Variants in MXRA8 observed in about 807,000 individuals in gnomAD.
MXRA8 encodes matrix remodeling associated 8, also known as matrix remodeling-associated protein 8.
MXRA8 carries 44 observed loss-of-function variants against 51.4 expected under a neutral mutation model. The observed-to-expected ratio is 0.86, with a 90% confidence interval of 0.67 to 1.10. MXRA8 has a LOEUF of 1.10. MXRA8 is among the 50% of genes least tolerant of loss of function. The pLI is 0.00. For missense variants in MXRA8, 765 were observed against 638.9 expected (o/e 1.20, Z -2.13); for synonymous variants, 369 against 293.5 (o/e 1.26, Z -2.63).
upstream of MXRA8, among the ~76,000 whole-genome samples, chr1:1,363,283 A>C (rs1644239582): frequency 6.6e-6 from 1 of 152,130 alleles, no homozygotes; most frequent in Non-Finnish European, 1.5e-5. Flanking sequence ...ACTCGGTCTC[A>C]AAAACAAAAC....
chr1:1,353,772 CA>C (rs1644053527), intron 9 of MXRA8, 75 bp downstream of exon 9: 1 of 1,486,632 alleles, frequency 6.7e-7, no homozygotes, highest in South Asian at 1.3e-5. Flanking sequence ...TGGTGCCTGC[CA>C]TCGTTGGTCC....
At chr1:1,361,810 T>C (rs1644225929), upstream of MXRA8, 1 of 163,628 alleles carries the variant, frequency 6.1e-6, no homozygotes, top group South Asian at 1.6e-4. Context: ...GAAAACTCGC[T>C]GTGGGGAGGG....
At position 1,355,254 on chromosome 1, in the gene MXRA8, G is replaced by A; in HGVS notation, c.468C>T (p.Val156=). The A allele has an allele frequency of 1.9e-6, 3 of 1,559,164 alleles. No homozygotes were observed. The highest frequency in any genetic ancestry group is 2.6e-6 in the Non-Finnish European group (3 of 1,158,176). The part of the protein sequence containing the change: ...LYESLAVRLE[V]TDGPPATPAY... Reference sequence around the variant, plus strand: ...GGGGGAAGCACTCACGGCCGTCGGTGACCTCCAGGCGGACGGCCAGGCTCT... The same window carrying A: ...GGGGGAAGCACTCACGGCCGTCGGTAACCTCCAGGCGGACGGCCAGGCTCT... The change falls in exon 4 of 10, where the codon GTC becomes GTT. Residue 156 remains valine, a synonymous_variant. Transcript: ENST00000309212.
Position 1,355,531 on chromosome 1 carries a change from C to T in MXRA8, c.295G>A (p.Val99Met). 2 of 1,493,684 alleles carry T rather than the reference C, an allele frequency of 1.3e-6. No individual in the cohort carries two copies. The highest frequency in any genetic ancestry group is 1.8e-6 in the Non-Finnish European group (2 of 1,131,782). 92.5% of individuals were successfully genotyped at this position (1,493,684 alleles called of 1,614,324 possible). A position where few individuals can be genotyped will look rare whatever the true frequency, so the allele number is the denominator to read the frequency against. ...CGGCCGCGGTCCCGCGCCTCGTACA[C>T]GCGCTGCTCGCCCGCCGAGTACAAG... ...LDLYSAGEQR[V>M]YEARDRGRLE... is the part of the protein sequence containing the mutation. Residue 99 changes from valine (V) to methionine (M), a missense_variant, in exon 3 of 10, where the codon GTG becomes ATG. Transcript: ENST00000309212.
upstream of MXRA8, chr1:1,358,817 G>A (rs546636926): frequency 6.4e-5 from 74 of 1,158,434 alleles, no homozygotes; most frequent in South Asian, 1.8e-4. Context: ...CCACGTGATC[G>A]TGTCTCACGT....
At chr1:1,360,107 G>A (rs1024262441), upstream of MXRA8, among the ~76,000 whole-genome samples, 1 of 152,232 alleles carries the variant, frequency 6.6e-6, no homozygotes, top group African/African-American at 2.4e-5. Flanking sequence ...GGCTCTGGGT[G>A]CAGGGCTGAG....
chr1:1,361,647 C>T (rs953113017), upstream of MXRA8: 5 of 329,616 alleles, frequency 1.5e-5, no homozygotes, highest in Non-Finnish European at 2.9e-5. Context: ...GGCTCGAGGA[C>T]AAACCGTATT....
At position 1,354,264 on chromosome 1, in the gene MXRA8, C is replaced by T. The variant is rs748277555; in HGVS notation, c.1106-32G>A. On this transcript the variant is annotated intron_variant, in intron 6 of 9. Coordinates refer to ENST00000309212, the MANE Select transcript of MXRA8 (RefSeq NM_032348.4). ...AGGAGACTCACATTGGGGGCAGTGC[C>T]GCCCCTTCCGCAGGTCCCCCAGCCC... is the stretch of plus-strand genomic sequence containing the variant. 22 of 1,607,200 alleles carry T rather than the reference C, an allele frequency of 1.4e-5. No homozygotes were observed. The East Asian group carries it at 3.4e-4, about 24-fold the overall frequency.
upstream of MXRA8, chr1:1,358,944 C>T: frequency 1.0e-6 from 1 of 996,258 alleles, no homozygotes; most frequent in Non-Finnish European, 1.2e-6. Flanking sequence ...TCCCCTCAGT[C>T]TGCTCCAGGC....
upstream of MXRA8, among the ~76,000 whole-genome samples, chr1:1,360,515 A>G (rs1189563470): frequency 2.1e-5 from 1 of 46,638 alleles, no homozygotes; most frequent in Non-Finnish European, 5.3e-5. Context: ...GGTGGTCTGC[A>G]GAGCTGTGGG....
intron 9 of MXRA8, 82 bp from the exon 10 acceptor site, chr1:1,353,711 G>T (rs1644052101): frequency 2.7e-6 from 4 of 1,488,482 alleles, no homozygotes; most frequent in Non-Finnish European, 3.6e-6. Flanking sequence ...CCCCCCCGCA[G>T]GACTCCCCAG....
upstream of MXRA8, among the ~76,000 whole-genome samples, chr1:1,363,155 C>T (rs901855617): frequency 5.9e-5 from 9 of 151,770 alleles, no homozygotes; most frequent in African/African-American, 1.9e-4. Flanking sequence ...TGGTGGTGTG[C>T]ACCTGTAGTC....
In MXRA8 at chr1:1,354,432, C is replaced by T. The variant is rs746314636; in HGVS notation, c.1027G>A (p.Gly343Ser). 16 of 1,612,438 alleles carry T rather than the reference C, an allele frequency of 9.9e-6. No homozygotes were observed. Among genetic ancestry groups the T allele is most frequent in the Non-Finnish European group, 1.4e-5 (16 of 1,179,862 alleles). ...AGCAGCAGCGTGGCCAGCACGTAGC[C>T]CAGCTGCTGGAAGAAGTGGGCTCGG... ...ESRAHFFQQL[G>S]YVLATLLLFI... is the part of the protein sequence containing the mutation. The change falls in exon 6 of 10, where the codon GGC (glycine) becomes AGC (serine). Residue 343 changes from glycine (G) to serine (S), a missense_variant. By Grantham distance (56) the Gly-to-Ser change is moderately conservative (BLOSUM62 0). Coordinates refer to ENST00000309212, the MANE Select transcript of MXRA8 (RefSeq NM_032348.4).
chr1:1,352,951 G>C lies in MXRA8; in HGVS notation c.*653C>G. ...AGAGCAAGGCTAGGGTAGGGATGGG[G>C]CAGAGAAAGGGCAAGGGGTGCAGCC... On this transcript the variant is annotated 3_prime_UTR_variant, in exon 10 of 10. Coordinates refer to ENST00000309212, the MANE Select transcript of MXRA8 (RefSeq NM_032348.4). 2.4e-6 allele frequency: 1 copy of C among 423,084 alleles called. No individual in the cohort carries two copies. Among genetic ancestry groups the C allele is most frequent in the Non-Finnish European group, 4.3e-6 (1 of 234,098 alleles). 26.2% of individuals were successfully genotyped at this position (423,084 alleles called of 1,614,324 possible).
Position 1,354,100 on chromosome 1 carries a change from A to G in MXRA8, c.1152T>C (p.Asp384=). 1 of 1,612,824 alleles carries G rather than the reference A, an allele frequency of 6.2e-7. No homozygotes were observed. The highest frequency in any genetic ancestry group is 8.5e-7 in the Non-Finnish European group (1 of 1,179,966). The change falls in exon 8 of 10, where the codon GAT becomes GAC. Residue 384 remains aspartate (D), a synonymous_variant. Transcript: ENST00000309212. ...DQKSGKSKGK[D]VNLAEFAVAA... is the part of the protein sequence containing the mutation. ...CCACAGCGAACTCCGCCAAGTTAAC[A>G]TCCTTCCTGGATGGCGAGGGTGGGA... is the stretch of plus-strand genomic sequence containing the variant.
chr1:1,357,634 C>A (rs1644158757), intron 1 of MXRA8, among the ~76,000 whole-genome samples: 1 of 152,144 alleles, frequency 6.6e-6, no homozygotes, highest in Admixed American at 6.5e-5. Context: ...TGAAAAACCC[C>A]ATCTGTACTA....
chr1:1,358,356 ACTC>A (rs1644174135), intron 1 of MXRA8, 97 bp downstream of exon 1: 7 of 1,331,086 alleles, frequency 5.3e-6, no homozygotes, highest in East Asian at 2.7e-5. Context: ...GGACCTTCCC[ACTC>A]CTCCTGGCCC....
rs367606128 is a variant in MXRA8 at position 1,358,475 on chromosome 1, C to A, written c.30G>T (p.Trp10Cys). Reference sequence around the variant, plus strand: ...ACTCACTCTGCAGAAGCACAAGTTTCCAAAGCAGGATTCGGGATGGCAGCG... The same window carrying A: ...ACTCACTCTGCAGAAGCACAAGTTTACAAAGCAGGATTCGGGATGGCAGCG... MALPSRILL[W>C]KLVLLQSSAV... The change falls in exon 1 of 10, where the codon TGG becomes TGT. Residue 10 changes from tryptophan (W) to cysteine (C), a missense_variant. Coordinates refer to ENST00000309212, the MANE Select transcript of MXRA8 (RefSeq NM_032348.4). The A allele has an allele frequency of 1.2e-6, 2 of 1,612,380 alleles. No homozygotes were observed. The highest frequency in any genetic ancestry group is 1.7e-5 in the Admixed American group (1 of 59,922).
chr1:1,362,219 C>A (rs944270100), upstream of MXRA8, among the ~76,000 whole-genome samples: 1 of 152,200 alleles, frequency 6.6e-6, no homozygotes, highest in African/African-American at 2.4e-5. Context: ...CTGCCCTCCA[C>A]CACCACTGTC....
Sources: allele counts gnomAD v4.1 joint callset (sites outside exome capture counted in the v4.1 genomes callset), GRCh38; gene constraint gnomAD v4.1.1; transcripts MANE v1.5; gene names NCBI Gene and HGNC (gene_info 2026-07-23, HGNC 2026-07-21).